The following MATN2 variants were observed in gnomAD, a reference collection of about 807,000 sequenced individuals.
MATN2 encodes matrilin 2.
Under a neutral mutation model 103.2 loss-of-function variants are expected in MATN2, and 69 were observed. The observed-to-expected ratio is 0.67, with a 90% CI of 0.55 to 0.82. The LOEUF is 0.82. MATN2 is among the 40% of genes least tolerant of loss of function. The pLI is 0.00. For synonymous variants in MATN2, 429 were observed against 450.2 expected, an observed-to-expected ratio of 0.95 and a Z score of 0.60; for missense variants, 1,023 against 1,211.5, an observed-to-expected ratio of 0.84 and a Z score of 2.31.
chr8:97,953,467 C>T (rs1442343466), intron 4 of MATN2, among the ~76,000 whole-genome samples: 1 of 152,108 alleles, frequency 6.6e-6, no homozygotes, highest in African/African-American at 2.4e-5. Context: ...ACGGTGAAAC[C>T]CTGTCTCTAC....
At chr8:97,929,038 G>A (rs1453228285) in intron 2 of MATN2, among the ~76,000 whole-genome samples, 19 of 152,054 alleles carry the variant, frequency 1.2e-4, no homozygotes, top group Non-Finnish European at 4.4e-5. Context: ...CACTTTCTGG[G>A]GCCTCTGTTT....
At chr8:97,972,204 G>A (rs1025265532) in intron 5 of MATN2, among the ~76,000 whole-genome samples, 1 of 151,926 alleles carries the variant, frequency 6.6e-6, no homozygotes, top group African/African-American at 2.4e-5. Flanking sequence ...CAGGCATGGT[G>A]GCACGTGCAT....
Position 98,005,462 on chromosome 8 carries a change from C to T in MATN2, c.1328-1643C>T, listed in dbSNP as rs751272402. On this transcript the variant is annotated intron_variant, in intron 8 of 18. Coordinates refer to ENST00000254898, the MANE Select transcript of MATN2 (RefSeq NM_002380.5). This position sits in a 1 kb window ranked among gnomAD's most constrained non-coding sequence, Gnocchi z 4.6. ...GGTGGTCCTGACCTGGCTGAGCCCA[C>T]GCAGATCACCAGGGACATGGCTTGA... is the stretch of plus-strand genomic sequence containing the variant. Among the ~76,000 whole-genome samples, 15 of 152,162 alleles carry T rather than the reference C, an allele frequency of 9.9e-5. No individual in the cohort carries two copies. The highest frequency in any genetic ancestry group is 2.2e-4 in the Non-Finnish European group (15 of 68,026).
intron 1 of MATN2, among the ~76,000 whole-genome samples, chr8:97,879,166 T>A (rs1818171999): frequency 6.6e-6 from 1 of 152,130 alleles, no homozygotes; most frequent in Non-Finnish European, 1.5e-5. Flanking sequence ...TCAGTTCTCA[T>A]TAGAAAACCG....
At chr8:97,989,315 A>G (rs1305391401) in intron 6 of MATN2, among the ~76,000 whole-genome samples, 1 of 152,170 alleles carries the variant, frequency 6.6e-6, no homozygotes, top group African/African-American at 2.4e-5. Flanking sequence ...TAAAAATAGA[A>G]GAAATTAGCT....
chr8:98,024,996 C>A (rs1586168924), intron 13 of MATN2: 1 of 152,262 alleles, frequency 6.6e-6, no homozygotes, highest in East Asian at 1.9e-4. Flanking sequence ...GTTGCAAGTG[C>A]TAGTTTTGTT....
intron 8 of MATN2, among the ~76,000 whole-genome samples, chr8:98,004,617 A>G (rs1312986676): frequency 6.6e-6 from 1 of 152,228 alleles, no homozygotes; most frequent in Non-Finnish European, 1.5e-5. Context: ...ATCAAGGGGA[A>G]CTGTTCCTAT....
intron 8 of MATN2, among the ~76,000 whole-genome samples, chr8:98,006,315 G>A (rs762625532): frequency 5.9e-5 from 9 of 152,214 alleles, no homozygotes; most frequent in Non-Finnish European, 1.2e-4. Context: ...GAAACTATAT[G>A]ACTAATTCTT....
intron 2 of MATN2, among the ~76,000 whole-genome samples, chr8:97,892,415 C>CAAAAA (rs35181049): frequency 6.3e-4 from 49 of 77,828 alleles, no homozygotes; most frequent in African/African-American, 7.5e-4. Flanking sequence ...GACCCTGTCT[C>CAAAAA]AAAAAAAAAA....
intron 13 of MATN2, among the ~76,000 whole-genome samples, chr8:98,023,500 G>C (rs1478997514): frequency 6.6e-6 from 1 of 151,956 alleles, no homozygotes; most frequent in Non-Finnish European, 1.5e-5. Flanking sequence ...GTGAAACCCT[G>C]TCTCTACAAA....
chr8:97,922,190 G>T (rs1238924483), intron 2 of MATN2, among the ~76,000 whole-genome samples: 2 of 152,222 alleles, frequency 1.3e-5, no homozygotes, highest in Non-Finnish European at 2.9e-5. Context: ...CTTATCGGAT[G>T]CAATTTCCTT....
chr8:97,986,165 T>C (rs1053975213), intron 6 of MATN2, among the ~76,000 whole-genome samples: 4 of 152,194 alleles, frequency 2.6e-5, no homozygotes, highest in African/African-American at 4.8e-5. Context: ...AAAAGGAAAT[T>C]TATTGAGTCA....
chr8:97,914,171 G>T (rs1413966733), intron 2 of MATN2, among the ~76,000 whole-genome samples: 1 of 151,980 alleles, frequency 6.6e-6, no homozygotes, highest in Non-Finnish European at 1.5e-5. Context: ...CCCAAGAGTA[G>T]GCTGGGAGCT....
At chr8:98,001,961 T>C (rs1455392927) in intron 7 of MATN2, among the ~76,000 whole-genome samples, 1 of 152,160 alleles carries the variant, frequency 6.6e-6, no homozygotes, top group East Asian at 1.9e-4. Context: ...TAATGGTTAT[T>C]GGCAAGACAA....
intron 10 of MATN2, among the ~76,000 whole-genome samples, chr8:98,010,010 G>A (rs528138619): frequency 4.6e-5 from 7 of 152,292 alleles, no homozygotes; most frequent in East Asian, 1.9e-4. Flanking sequence ...TCCGCTCCCC[G>A]CTTGATAACC....
intron 3 of MATN2, among the ~76,000 whole-genome samples, chr8:97,941,161 C>CAAAAAAAAAAAA (rs1186024165): frequency 2.1e-4 from 16 of 77,982 alleles, no homozygotes; most frequent in African/African-American, 3.5e-4. Context: ...GACCTTGTCT[C>CAAAAAAAAAAAA]AAAAAAAAAA....
At chr8:97,870,685 C>T (rs910202997) in intron 1 of MATN2, among the ~76,000 whole-genome samples, 2 of 152,128 alleles carry the variant, frequency 1.3e-5, no homozygotes, top group Admixed American at 6.6e-5. Flanking sequence ...TCCATGGGTA[C>T]GTGAGGGTGG....
intron 3 of MATN2, among the ~76,000 whole-genome samples, chr8:97,940,175 C>T (rs1327530627): frequency 3.3e-5 from 5 of 152,130 alleles, no homozygotes; most frequent in Non-Finnish European, 5.9e-5. Context: ...TGTGGTGGCT[C>T]ATGTCTGTGA....
intron 3 of MATN2, among the ~76,000 whole-genome samples, chr8:97,933,034 T>C (rs759638366): frequency 1.3e-4 from 20 of 152,188 alleles, no homozygotes; most frequent in Non-Finnish European, 1.8e-4. Flanking sequence ...CGAAGAACAA[T>C]GTGCTTTTGA....
Sources: allele counts gnomAD v4.1 joint callset (sites outside exome capture counted in the v4.1 genomes callset), GRCh38; gene constraint gnomAD v4.1.1; non-coding constraint Gnocchi (gnomAD v3.1); transcripts MANE v1.5; gene names NCBI Gene and HGNC (gene_info 2026-07-23, HGNC 2026-07-21).